The following SPOCK3 variants were observed in gnomAD, a reference collection of about 807,000 sequenced individuals.
SPOCK3 encodes the protein SPARC (osteonectin), cwcv and kazal like domains proteoglycan 3, also known as testican-3.
A neutral mutation model predicts 56.6 loss-of-function variants in SPOCK3; 30 were observed. The observed-to-expected ratio is 0.53, with a 90% confidence interval of 0.40 to 0.72. The LOEUF (loss-of-function observed/expected upper bound fraction) is 0.72, where lower values mean the gene tolerates loss of function less well. Among genes scored for constraint, SPOCK3 ranks in the 30% least tolerant of loss-of-function variants. The pLI, the probability that SPOCK3 is intolerant of heterozygous loss-of-function variation, is 0.00. For missense variants in SPOCK3, 527 were observed against 530.0 expected (o/e 0.99, Z 0.06); for synonymous variants, 196 against 183.3 (o/e 1.07, Z -0.56).
intron 8 of SPOCK3, among the ~76,000 whole-genome samples, chr4:166,748,903 C>G (rs185813615): frequency 7.3e-6 from 1 of 137,534 alleles, no homozygotes; most frequent in East Asian, 2.0e-4. Flanking sequence ...TCATCACTGG[C>G]CATCAGGGAA....
At chr4:167,102,734 G>T (rs76079237) in intron 2 of SPOCK3, among the ~76,000 whole-genome samples, 12 of 151,824 alleles carry the variant, frequency 7.9e-5, no homozygotes, top group African/African-American at 2.9e-4. Flanking sequence ...CCATCCCAGC[G>T]GTTGAAACGT....
At chr4:167,231,634 C>T (rs1392612528) in intron 2 of SPOCK3, among the ~76,000 whole-genome samples, 2 of 151,942 alleles carry the variant, frequency 1.3e-5, no homozygotes, top group African/African-American at 4.8e-5. Context: ...ATCCTGAGAG[C>T]TACAGAAAAG....
At position 166,884,870 on chromosome 4, in the gene SPOCK3, AACAC is replaced by A. The variant is rs34910996; in HGVS notation, c.589+4256_589+4259del. Among the ~76,000 whole-genome samples the A allele has an allele frequency of 6.8e-4, 100 of 147,562 alleles. 2 individuals carry two copies. The South Asian group carries it at 0.015, about 22-fold the overall frequency. ...AGAAAGAAATTCCATAAACTGGTTA[AACAC>A]ACACACACACACACACACACACACA... On this transcript the variant is annotated intron_variant, in intron 6 of 10. Transcript: ENST00000357545.
intron 6 of SPOCK3, among the ~76,000 whole-genome samples, chr4:166,837,777 C>G (rs934133040): frequency 3.3e-5 from 5 of 152,110 alleles, no homozygotes; most frequent in African/African-American, 1.2e-4. Flanking sequence ...TTCTTCCTTT[C>G]TGATGTTTCA....
intron 2 of SPOCK3, among the ~76,000 whole-genome samples, chr4:167,223,200 G>GTAT (rs530359185): frequency 3.8e-4 from 47 of 122,660 alleles, no homozygotes; most frequent in Non-Finnish European, 5.8e-4. Context: ...TATGAATAAT[G>GTAT]TATATTTTAT....
intron 4 of SPOCK3, among the ~76,000 whole-genome samples, chr4:166,923,044 T>C (rs543424243): frequency 6.6e-6 from 1 of 152,326 alleles, no homozygotes; most frequent in Non-Finnish European, 1.5e-5. Flanking sequence ...AAAATCAGTA[T>C]CTCTTGACTG....
chr4:167,058,330 A>G lies in SPOCK3; in HGVS notation c.235+4162T>C, dbSNP rs548141380. ...CAGGATACAAAATCAATGTACAAAA[A>G]TCACAAGCATTCTTTTACACCAATA... is the stretch of plus-strand genomic sequence containing the variant. On this transcript the variant is annotated intron_variant, in intron 3 of 10. Coordinates refer to ENST00000357545, the MANE Select transcript of SPOCK3 (RefSeq NM_001040159.2). 3.3e-4 allele frequency among the ~76,000 whole-genome samples: 51 copies of G among 152,334 alleles called. 1 individual carries two copies. Among genetic ancestry groups the G allele is most frequent in the Non-Finnish European group, 6.9e-4 (47 of 68,040 alleles).
intron 6 of SPOCK3, among the ~76,000 whole-genome samples, chr4:166,848,949 A>G (rs1257758050): frequency 6.6e-6 from 1 of 152,158 alleles, no homozygotes; most frequent in African/African-American, 2.4e-5. Flanking sequence ...ATATTTACCA[A>G]CACCATGGGC....
At chr4:166,766,260 T>C (rs949990500) in intron 7 of SPOCK3, among the ~76,000 whole-genome samples, 3 of 152,198 alleles carry the variant, frequency 2.0e-5, no homozygotes, top group African/African-American at 7.2e-5. Flanking sequence ...ATCCCTGTCT[T>C]GTGCCAGTTT....
At chr4:166,841,823 T>C (rs1455098465) in intron 6 of SPOCK3, among the ~76,000 whole-genome samples, 1 of 152,224 alleles carries the variant, frequency 6.6e-6, no homozygotes, top group Non-Finnish European at 1.5e-5. Flanking sequence ...GAAATATTTC[T>C]CCCATTGTGT....
chr4:167,138,654 G>T (rs1051584816), intron 2 of SPOCK3, among the ~76,000 whole-genome samples: 13 of 152,050 alleles, frequency 8.5e-5, no homozygotes, highest in African/African-American at 3.1e-4. Flanking sequence ...AAGATTGGGA[G>T]AAAGGAGAAG....
chr4:166,795,551 A>C (rs543984860), intron 6 of SPOCK3, among the ~76,000 whole-genome samples: 2 of 152,226 alleles, frequency 1.3e-5, no homozygotes, highest in African/African-American at 4.8e-5. Context: ...TAAAATTGGC[A>C]ATAATTTATC....
chr4:166,931,559 T>A (rs1739783075), intron 4 of SPOCK3, among the ~76,000 whole-genome samples: 1 of 152,250 alleles, frequency 6.6e-6, no homozygotes, highest in Admixed American at 6.5e-5. Flanking sequence ...ACTCTATGCC[T>A]ATGACTAGAA....
chr4:167,109,944 T>G (rs1332458013), intron 2 of SPOCK3, among the ~76,000 whole-genome samples: 1 of 151,978 alleles, frequency 6.6e-6, no homozygotes, highest in Non-Finnish European at 1.5e-5. Context: ...TGAACTCCAT[T>G]TCTTACTTTC....
intron 2 of SPOCK3, among the ~76,000 whole-genome samples, chr4:167,201,295 CTT>C (rs1218248723): frequency 6.6e-6 from 1 of 151,876 alleles, no homozygotes; most frequent in Non-Finnish European, 1.5e-5. Flanking sequence ...TGGATTAAAA[CTT>C]ATTTGAAATA....
At chr4:166,902,961 T>G (rs1276608323) in intron 5 of SPOCK3, among the ~76,000 whole-genome samples, 1 of 150,734 alleles carries the variant, frequency 6.6e-6, no homozygotes, top group East Asian at 1.9e-4. Context: ...AATTTTAGAA[T>G]TTTAAGTATT....
intron 4 of SPOCK3, among the ~76,000 whole-genome samples, chr4:166,972,288 C>T (rs901999740): frequency 2.6e-5 from 4 of 152,106 alleles, no homozygotes; most frequent in African/African-American, 9.7e-5. Flanking sequence ...CCACAAATCA[C>T]AATAATGAAT....
intron 6 of SPOCK3, among the ~76,000 whole-genome samples, chr4:166,843,639 G>T (rs922045045): frequency 2.0e-5 from 3 of 152,158 alleles, no homozygotes; most frequent in Non-Finnish European, 4.4e-5. Flanking sequence ...CCCTAGCCCT[G>T]GCCCATGCTT....
intron 6 of SPOCK3, among the ~76,000 whole-genome samples, chr4:166,823,165 A>G (rs1419204946): frequency 6.6e-6 from 1 of 152,006 alleles, no homozygotes; most frequent in Non-Finnish European, 1.5e-5. Context: ...TAAACATTTC[A>G]TTTTTTCAAA....
Sources: gnomAD v4.1 joint callset for allele counts (sites outside exome capture counted in the v4.1 genomes callset) on GRCh38, gnomAD v4.1.1 for gene constraint, MANE v1.5 for transcripts, NCBI Gene and HGNC (gene_info 2026-07-23, HGNC 2026-07-21) for gene names.